Variants in NEBL observed in about 807,000 individuals in gnomAD.
The protein encoded by NEBL is nebulette.
A neutral mutation model predicts 140.2 loss-of-function variants in NEBL; 122 were observed. The observed-to-expected ratio is 0.87, with a 90% CI of 0.75 to 1.01. The LOEUF is 1.01. Among genes scored for constraint, NEBL ranks in the 50% least tolerant of loss-of-function variants. NEBL has a pLI of 0.00. For missense variants in NEBL, 1,365 were observed against 1,231.3 expected, an observed-to-expected ratio of 1.11 and a Z score of -1.62; for synonymous variants, 436 against 398.9, an observed-to-expected ratio of 1.09 and a Z score of -1.11.
intron 26 of NEBL, among the ~76,000 whole-genome samples, chr10:20,788,616 C>T (rs1195502083): frequency 6.6e-6 from 1 of 152,082 alleles, no homozygotes; most frequent in Non-Finnish European, 1.5e-5. Context: ...ACAAATTATG[C>T]TTAATGTCCA....
intron 1 of NEBL, among the ~76,000 whole-genome samples, chr10:21,290,695 A>G (rs1294581882): frequency 6.6e-6 from 1 of 152,082 alleles, no homozygotes; most frequent in Non-Finnish European, 1.5e-5. Context: ...CCCTCACCTT[A>G]CCACCACCTC....
rs1411261136 is a variant in NEBL at position 20,817,741 on chromosome 10, T to A, written c.2056-49A>T. The A allele has an allele frequency of 5.0e-6, 7 of 1,395,976 alleles. No homozygotes were observed. The East Asian group carries it at 1.6e-4, about 32-fold the overall frequency. 86.5% of individuals were successfully genotyped at this position (1,395,976 alleles called of 1,614,324 possible). A position where few individuals can be genotyped will look rare whatever the true frequency, so the allele number is the denominator to read the frequency against. ...TAACAGATAGCACAATGGGCTCCAC[T>A]GAAATACCACAAAGGACAAGGCTCA... is the stretch of plus-strand genomic sequence containing the variant. On this transcript the variant is annotated intron_variant, in intron 20 of 27. Coordinates refer to ENST00000377122, the MANE Select transcript of NEBL (RefSeq NM_006393.3).
intron 2 of NEBL, among the ~76,000 whole-genome samples, chr10:21,110,207 T>A (rs1382646619): frequency 6.6e-6 from 1 of 152,198 alleles, no homozygotes; most frequent in Non-Finnish European, 1.5e-5. Context: ...TGCCCACTTC[T>A]ATTTACTGAA....
intron 10 of NEBL, among the ~76,000 whole-genome samples, chr10:20,851,139 T>C (rs1001800952): frequency 6.6e-6 from 1 of 152,172 alleles, no homozygotes; most frequent in Non-Finnish European, 1.5e-5. Context: ...TATCTTCCAA[T>C]AACAAAAAAT....
intron 2 of NEBL, among the ~76,000 whole-genome samples, chr10:21,034,352 G>A (rs1420350873): frequency 1.3e-5 from 2 of 151,782 alleles, no homozygotes; most frequent in South Asian, 2.1e-4. Context: ...ACTACCACCG[G>A]CATACTGATC....
At chr10:21,024,546 G>A (rs1838943833) in intron 2 of NEBL, among the ~76,000 whole-genome samples, 1 of 151,498 alleles carries the variant, frequency 6.6e-6, no homozygotes, top group Admixed American at 6.6e-5. Context: ...TTGAGAAAGA[G>A]TGGGATGGCC....
intron 4 of NEBL, among the ~76,000 whole-genome samples, chr10:20,886,026 A>G (rs1379870656): frequency 6.6e-6 from 1 of 152,118 alleles, no homozygotes; most frequent in Non-Finnish European, 1.5e-5. Flanking sequence ...ATTTTTCAAG[A>G]GTAATGTATT....
At chr10:20,952,904 CAAAAAAAAAAAAA>C (rs34713711) in intron 4 of NEBL, among the ~76,000 whole-genome samples, 1 of 62,356 alleles carries the variant, frequency 1.6e-5, no homozygotes, top group Non-Finnish European at 2.8e-5. Context: ...GACCCTGTCT[CAAAAAAAAAAAAA>C]AAAAAAAAGA....
At position 21,009,070 on chromosome 10, in the gene NEBL, A is replaced by G. The variant is rs1838239799; in HGVS notation, c.249+11047T>C. Among the ~76,000 whole-genome samples, 4 of 152,296 alleles carry G rather than the reference A, an allele frequency of 2.6e-5. No homozygotes were observed. In the South Asian group the frequency reaches 8.3e-4, roughly 32 times the overall value. On this transcript the variant is annotated intron_variant, in intron 3 of 6. Transcript: ENST00000417816. Reference sequence around the variant, plus strand: ...AATTATCCAATTCTAAGGAAAACTTATATAACAGATATGTTCTCTGTCCAA... The same window carrying G: ...AATTATCCAATTCTAAGGAAAACTTGTATAACAGATATGTTCTCTGTCCAA...
chr10:21,282,142 T>C (rs549601617), intron 1 of NEBL, among the ~76,000 whole-genome samples: 1 of 151,988 alleles, frequency 6.6e-6, no homozygotes, highest in Non-Finnish European at 1.5e-5. Flanking sequence ...GCCAAAGAGA[T>C]CAGTAAACAT....
chr10:21,102,416 C>T (rs573786415), intron 2 of NEBL, among the ~76,000 whole-genome samples: 1 of 152,294 alleles, frequency 6.6e-6, no homozygotes, highest in South Asian at 2.1e-4. Flanking sequence ...CTTTGTAATG[C>T]ATTCCCCATC....
In NEBL at chr10:21,255,686, TAATCCAA is replaced by T. The variant is rs556231412; in HGVS notation, n.183-3865_183-3859del. Among the ~76,000 whole-genome samples the T allele has an allele frequency of 3.6e-4, 55 of 152,184 alleles. 3 individuals are homozygous for T. The South Asian group carries it at 0.011, about 30-fold the overall frequency. ...ATGATAAATCTTCAGCATCAGAGAA[TAATCCAA>T]CCTCTGAAAAGGATTCATCTCCGGC... On this transcript the variant is annotated intron_variant and non_coding_transcript_variant, in intron 1 of 8. Coordinates refer to the NEBL transcript ENST00000675702.
chr10:20,815,918 G>A, intron 21 of NEBL: 6 of 562,184 alleles, frequency 1.1e-5, no homozygotes, highest in Non-Finnish European at 1.9e-5. Context: ...ACAGGCACCT[G>A]CCACCATGCC....
At chr10:20,923,364 GC>G (rs1833691848) in intron 4 of NEBL, among the ~76,000 whole-genome samples, 1 of 151,976 alleles carries the variant, frequency 6.6e-6, no homozygotes, top group African/African-American at 2.4e-5. Context: ...ACCACACCTG[GC>G]CACGTATTCA....
At chr10:20,994,781 G>T (rs1837599961) in intron 3 of NEBL, among the ~76,000 whole-genome samples, 1 of 152,080 alleles carries the variant, frequency 6.6e-6, no homozygotes, top group South Asian at 2.1e-4. Context: ...GAAATCATAA[G>T]GAAGAGAAAA....
chr10:21,047,940 T>C (rs1589172161), intron 2 of NEBL, among the ~76,000 whole-genome samples: 1 of 152,234 alleles, frequency 6.6e-6, no homozygotes, highest in African/African-American at 2.4e-5. Flanking sequence ...TACAATGTTA[T>C]TGCCATATAG....
chr10:21,214,277 CTTA>C (rs66567928), intron 3 of NEBL, among the ~76,000 whole-genome samples: 9,683 of 151,818 alleles, frequency 0.064, 569 homozygotes, highest in African/African-American at 0.15. Flanking sequence ...GTATCTTGCA[CTTA>C]TTTTTAGTGG....
At chr10:20,845,512 A>C in intron 11 of NEBL, 144 bp from the exon 12 acceptor site, 6 of 598,424 alleles carry the variant, frequency 1.0e-5, no homozygotes, top group Middle Eastern at 8.3e-4. Context: ...CAGGGAAATA[A>C]GTTCAACTTT....
chr10:20,835,643 A>G lies in NEBL; in HGVS notation c.1339-20T>C, dbSNP rs370957821. 163 of 1,531,510 alleles carry G rather than the reference A, an allele frequency of 1.1e-4. No homozygotes were observed. Among genetic ancestry groups the G allele is most frequent in the Non-Finnish European group, 1.4e-4 (150 of 1,109,598 alleles). The allele number at this position is 1,531,510 out of a possible 1,614,324, so 94.9% of individuals were successfully genotyped here. ...TTCTTTCTGCAAAAGACAACATTTT[A>G]CAACATTCAAACACTCAGTGGGCAA... On this transcript the variant is annotated intron_variant, in intron 13 of 27. Transcript: ENST00000377122.
Sources: gnomAD v4.1 joint callset for allele counts (sites outside exome capture counted in the v4.1 genomes callset) on GRCh38, gnomAD v4.1.1 for gene constraint, MANE v1.5 for transcripts, NCBI Gene and HGNC (gene_info 2026-07-23, HGNC 2026-07-21) for gene names.